PCDHGA3: variants seen among roughly 807,000 people sequenced by gnomAD.
PCDHGA3 encodes protocadherin gamma subfamily A, 3, also known as protocadherin gamma-A3.
In PCDHGA3, 40 loss-of-function variants were observed where a neutral mutation model predicts 58.5. That is an observed-to-expected ratio of 0.68 (90% CI 0.53 to 0.89). The LOEUF is 0.89. Among genes scored for constraint, PCDHGA3 ranks in the 40% least tolerant of loss-of-function variants. PCDHGA3 has a pLI of 0.00. For missense variants in PCDHGA3, 1,223 were observed against 1,195.9 expected, an observed-to-expected ratio of 1.02 and a Z score of -0.33; for synonymous variants, 530 against 525.7, an observed-to-expected ratio of 1.01 and a Z score of -0.11.
In PCDHGA3 at chr5:141,389,898, GA is replaced by G. The variant is rs916636012; in HGVS notation, c.2424+43442del. ...CGACAGCTTGCAGGAGGTGCTGCCGGATATCACTGACCGCCCCGACCCCTCT... is the reference window on the plus strand; with the variant it reads ...CGACAGCTTGCAGGAGGTGCTGCCGGTATCACTGACCGCCCCGACCCCTCT... On this transcript the variant is annotated intron_variant, in intron 1 of 3. Coordinates refer to ENST00000253812, the MANE Select transcript of PCDHGA3 (RefSeq NM_018916.4). 3.1e-6 allele frequency: 5 copies of G among 1,613,952 alleles called. No homozygotes were observed. In the African/African-American group the frequency reaches 5.3e-5, roughly 17 times the overall value.
chr5:141,345,628 T>G lies in PCDHGA3; in HGVS notation c.1595T>G (p.Val532Gly). Residue 532 changes from valine to glycine, a missense_variant, in exon 1 of 4, where the codon GTG (valine) becomes GGG (glycine). Val to Gly is a moderately radical substitution (Grantham distance 109, BLOSUM62 -3). Around this residue, in one of 3 missense-constraint regions of PCDHGA3, gnomAD observed 791 missense variants for 708.5 expected, o/e 1.12. Transcript: ENST00000253812. Reference protein sequence around the residue: ...YEQFRDLKLLVTASDSGNPPL... With the variant: ...YEQFRDLKLLGTASDSGNPPL... ...CAATTTAGAGACTTAAAGCTACTGG[T>G]GACAGCCAGCGACAGCGGGAACCCT... is the stretch of plus-strand genomic sequence containing the variant. The G allele has an allele frequency of 2.5e-6, 4 of 1,614,172 alleles. No homozygotes were observed. The highest frequency in any genetic ancestry group is 3.4e-6 in the Non-Finnish European group (4 of 1,180,044).
rs750967343 is a variant in PCDHGA3 at position 141,357,091 on chromosome 5, G to A, written c.2424+10634G>A. On this transcript the variant is annotated intron_variant, in intron 1 of 3. Transcript: ENST00000253812. ...CACAGGCGAGGTGCGCACCGCACGG[G>A]CCCTGCTGGACAGAGACGCGCTCAA... is the stretch of plus-strand genomic sequence containing the variant. 18 of 1,613,788 alleles carry A rather than the reference G, an allele frequency of 1.1e-5. No homozygotes were observed. The highest frequency in any genetic ancestry group is 8.8e-5 in the South Asian group (8 of 91,090).
chr5:141,408,924 T>G, intron 1 of PCDHGA3: 1 of 1,612,706 alleles, frequency 6.2e-7, no homozygotes. Flanking sequence ...AACCCCCCGG[T>G]TTTCAGCAGA....
At chr5:141,438,637 C>T (rs11958903) in intron 1 of PCDHGA3, among the ~76,000 whole-genome samples, 3,503 of 30,116 alleles carry the variant, frequency 0.12, 108 homozygotes, top group Non-Finnish European at 0.15. Context: ...TATATATATA[C>T]ACACACACAC....
intron 1 of PCDHGA3, chr5:141,424,529 A>G (rs1308118953): frequency 6.6e-6 from 1 of 152,218 alleles, no homozygotes; most frequent in Non-Finnish European, 1.5e-5. Context: ...AAATCCATAT[A>G]TAGAAATAAC....
intron 1 of PCDHGA3, among the ~76,000 whole-genome samples, chr5:141,354,322 A>G (rs184699668): frequency 1.9e-4 from 29 of 152,340 alleles, no homozygotes; most frequent in African/African-American, 6.5e-4. Context: ...TTACTACTCT[A>G]TGAAAGGTAT....
Position 141,490,809 on chromosome 5 carries a change from C to T in PCDHGA3, c.2425-3998C>T. On this transcript the variant is annotated intron_variant, in intron 1 of 3. Transcript: ENST00000253812. The surrounding 1 kb of genome is among the most constrained non-coding windows in gnomAD (Gnocchi z 5.4). Reference sequence around the variant, plus strand: ...GGATCTTTGCCCAGCGTACCTTTGACTATGAATTGCTGCAGATGCTGCAGA... The same window carrying T: ...GGATCTTTGCCCAGCGTACCTTTGATTATGAATTGCTGCAGATGCTGCAGA... 2 of 1,613,954 alleles carry T rather than the reference C, an allele frequency of 1.2e-6. No individual in the cohort carries two copies. Among genetic ancestry groups the T allele is most frequent in the South Asian group, 2.2e-5 (2 of 91,076 alleles).
Position 141,490,330 on chromosome 5 carries a change from C to G in PCDHGA3, c.2425-4477C>G. 4 of 1,614,198 alleles carry G rather than the reference C, an allele frequency of 2.5e-6. No homozygotes were observed. Among genetic ancestry groups the G allele is most frequent in the South Asian group, 1.1e-5 (1 of 91,082 alleles). On this transcript the variant is annotated intron_variant, in intron 1 of 3. Coordinates refer to ENST00000253812, the MANE Select transcript of PCDHGA3 (RefSeq NM_018916.4). This position sits in a 1 kb window ranked among gnomAD's most constrained non-coding sequence, Gnocchi z 5.4. ...GGCCAACCCTGTCCTAGAGAGCACACCAGTGGGCACAGTAGTGGGGTTGTT... is the reference window on the plus strand; with the variant it reads ...GGCCAACCCTGTCCTAGAGAGCACAGCAGTGGGCACAGTAGTGGGGTTGTT...
intron 1 of PCDHGA3, chr5:141,419,090 G>T: frequency 6.2e-7 from 1 of 1,613,922 alleles, no homozygotes; most frequent in Non-Finnish European, 8.5e-7. Flanking sequence ...TGAGGCCCTG[G>T]ATCGGGAGCA....
At chr5:141,414,100 G>A (rs1293589634) in intron 1 of PCDHGA3, 2 of 1,593,288 alleles carry the variant, frequency 1.3e-6, no homozygotes. Context: ...AAAAATATCA[G>A]AAAATCTAGA....
intron 1 of PCDHGA3, chr5:141,376,051 C>G (rs771320447): frequency 7.4e-6 from 12 of 1,613,344 alleles, no homozygotes; most frequent in Non-Finnish European, 9.3e-6. Context: ...CTCTCTCCGC[C>G]ACTGTCACGC....
intron 1 of PCDHGA3, chr5:141,389,528 G>A (rs200792478): frequency 1.2e-6 from 2 of 1,613,210 alleles, no homozygotes; most frequent in East Asian, 2.2e-5. Context: ...GCCTGCGCGT[G>A]TTAGTGGACG....
At chr5:141,379,890 T>TTTTTTTTTTTTTTTTTTTTTTG (rs1776022019) in intron 1 of PCDHGA3, among the ~76,000 whole-genome samples, 1 of 25,360 alleles carries the variant, frequency 3.9e-5, no homozygotes, top group Non-Finnish European at 6.4e-5. Context: ...TGAAAGCCTC[T>TTTTTTTTTTTTTTTTTTTTTTG]TTTTTTTTTT....
In PCDHGA3 at chr5:141,432,218, A is replaced by T. The variant is rs570925415; in HGVS notation, c.2425-62589A>T. On this transcript the variant is annotated intron_variant, in intron 1 of 3. Transcript: ENST00000253812. This position sits in a 1 kb window ranked among gnomAD's most constrained non-coding sequence, Gnocchi z 6.0. Reference sequence around the variant, plus strand: ...CCCCGACTGTGAAGAGAACGCCCAGATCACTTATTCCCTGGCTGAGAACAC... The same window carrying T: ...CCCCGACTGTGAAGAGAACGCCCAGTTCACTTATTCCCTGGCTGAGAACAC... The T allele has an allele frequency of 6.2e-7, 1 of 1,614,148 alleles. No homozygotes were observed. The highest frequency in any genetic ancestry group is 1.3e-5 in the African/African-American group (1 of 75,030).
intron 1 of PCDHGA3, among the ~76,000 whole-genome samples, chr5:141,464,426 GAT>G (rs1287556960): frequency 6.6e-6 from 1 of 151,096 alleles, no homozygotes; most frequent in African/African-American, 2.4e-5. Context: ...TATATATATA[GAT>G]ATATATGTTT....
intron 1 of PCDHGA3, chr5:141,418,650 T>A (rs764145825): frequency 5.0e-6 from 8 of 1,613,898 alleles, no homozygotes; most frequent in South Asian, 2.2e-5. Flanking sequence ...ATCCTGAGAG[T>A]GAAGGCCACT....
Position 141,370,766 on chromosome 5 carries a change from G to C in PCDHGA3, c.2424+24309G>C, listed in dbSNP as rs1205087920. On this transcript the variant is annotated intron_variant, in intron 1 of 3. Transcript: ENST00000253812. ...TTTTTCATGTAACTGTGCTGATCCA[G>C]GATATTAACGACAACCCACCGACCT... The C allele has an allele frequency of 1.9e-6, 3 of 1,613,834 alleles. No homozygotes were observed. In the African/African-American group the frequency reaches 4.0e-5, roughly 22 times the overall value.
At chr5:141,421,224 T>G (rs1401875673) in intron 1 of PCDHGA3, 2 of 1,582,072 alleles carry the variant, frequency 1.3e-6, no homozygotes, top group Admixed American at 3.6e-5. Flanking sequence ...GCTTAGAGCC[T>G]GCCATGGCGA....
chr5:141,375,656 T>C (rs891549331), intron 1 of PCDHGA3: 2 of 1,614,080 alleles, frequency 1.2e-6, no homozygotes, highest in Non-Finnish European at 1.7e-6. Flanking sequence ...CTATGAGCAG[T>C]TGAGAGACCT....
Sources: allele counts gnomAD v4.1 joint callset (sites outside exome capture counted in the v4.1 genomes callset), GRCh38; gene constraint gnomAD v4.1.1; regional missense constraint gnomAD v4.1.1; non-coding constraint Gnocchi (gnomAD v3.1); transcripts MANE v1.5; gene names NCBI Gene and HGNC (gene_info 2026-07-23, HGNC 2026-07-21).